Variants in LYPLAL1 observed in about 807,000 individuals in gnomAD.
The protein encoded by LYPLAL1 is lysophospholipase like 1.
LYPLAL1 carries 23 observed loss-of-function variants against 19.7 expected under a neutral mutation model. The observed-to-expected ratio is 1.17, with a 90% CI of 0.84 to 1.65. LYPLAL1 has a LOEUF of 1.65. LYPLAL1 is among the 40% of genes most tolerant of loss of function. The pLI, the probability that LYPLAL1 is intolerant of heterozygous loss-of-function variation, is 0.00. For missense variants in LYPLAL1, 355 were observed against 279.4 expected (o/e 1.27, Z -1.93); for synonymous variants, 119 against 96.3 (o/e 1.24, Z -1.38).
chr1:219,333,265 G>A, the LYPLAL1 span, among the ~76,000 whole-genome samples: 1 of 152,126 alleles, frequency 6.6e-6, no homozygotes, highest in African/African-American at 2.4e-5. Flanking sequence ...CCATATTCCA[G>A]GAACTAGGAC....
At chr1:219,330,661 T>G in the LYPLAL1 span, among the ~76,000 whole-genome samples, 1 of 152,224 alleles carries the variant, frequency 6.6e-6, no homozygotes. Flanking sequence ...TCTAAATACA[T>G]TCAACAAAAT....
At chr1:219,314,251 T>C in the LYPLAL1 span, among the ~76,000 whole-genome samples, 3 of 152,342 alleles carry the variant, frequency 2.0e-5, no homozygotes, top group East Asian at 5.8e-4. Context: ...GCTGATTCCA[T>C]GTCTTTACTA....
chr1:219,239,537 A>G, the LYPLAL1 span, among the ~76,000 whole-genome samples: 1 of 152,246 alleles, frequency 6.6e-6, no homozygotes, highest in Non-Finnish European at 1.5e-5. Flanking sequence ...TTTTGTTCAT[A>G]GAAGTATGTT....
intron 2 of LYPLAL1, among the ~76,000 whole-genome samples, chr1:219,189,325 T>G (rs1349156330): frequency 6.6e-6 from 1 of 151,582 alleles, no homozygotes; most frequent in African/African-American, 2.4e-5. Context: ...AATTTTAAAG[T>G]GAGTGTTGTA....
chr1:219,181,032 A>T (rs1572155189), intron 2 of LYPLAL1, among the ~76,000 whole-genome samples: 1 of 152,212 alleles, frequency 6.6e-6, no homozygotes, highest in East Asian at 1.9e-4. Context: ...TATGAGCTAC[A>T]TATAAATTTA....
the LYPLAL1 span, among the ~76,000 whole-genome samples, chr1:219,355,685 C>T: frequency 2.0e-5 from 3 of 151,778 alleles, no homozygotes; most frequent in East Asian, 5.8e-4. Context: ...TACAAGAGTA[C>T]ACGGAAAATT....
chr1:219,417,282 T>C, the LYPLAL1 span, among the ~76,000 whole-genome samples: 3 of 152,176 alleles, frequency 2.0e-5, no homozygotes, highest in Non-Finnish European at 4.4e-5. Flanking sequence ...ATAACCACCT[T>C]GACTACTAAT....
intron 1 of LYPLAL1, 88 bp from the exon 2 acceptor site, chr1:219,179,059 C>G (rs954214768): frequency 9.9e-6 from 8 of 808,362 alleles, no homozygotes; most frequent in African/African-American, 1.8e-5. Context: ...TTATTCCATC[C>G]TCTGTGTGAC....
At chr1:219,230,149 G>A in the LYPLAL1 span, among the ~76,000 whole-genome samples, 1 of 152,196 alleles carries the variant, frequency 6.6e-6, no homozygotes, top group African/African-American at 2.4e-5. Context: ...GTCTCACTCT[G>A]TCACCCAGGC....
At chr1:219,434,177 A>C in the LYPLAL1 span, among the ~76,000 whole-genome samples, 2 of 152,248 alleles carry the variant, frequency 1.3e-5, no homozygotes, top group African/African-American at 4.8e-5. Context: ...ATTAAAATAG[A>C]GTATTGCTGT....
At chr1:219,375,166 A>G in the LYPLAL1 span, among the ~76,000 whole-genome samples, 1 of 152,066 alleles carries the variant, frequency 6.6e-6, no homozygotes, top group Non-Finnish European at 1.5e-5. Context: ...AAAAAGCATT[A>G]CTTTGGTACG....
At chr1:219,258,042 T>C in the LYPLAL1 span, among the ~76,000 whole-genome samples, 1 of 152,050 alleles carries the variant, frequency 6.6e-6, no homozygotes, top group African/African-American at 2.4e-5. Context: ...TTATAGGCTC[T>C]CTGCAAGGAG....
intron 2 of LYPLAL1, among the ~76,000 whole-genome samples, chr1:219,190,040 G>A (rs1396355656): frequency 6.6e-6 from 1 of 151,414 alleles, no homozygotes; most frequent in Non-Finnish European, 1.5e-5. Flanking sequence ...TAACTTAATA[G>A]ATACTAAATA....
At chr1:219,365,134 T>C in the LYPLAL1 span, among the ~76,000 whole-genome samples, 1 of 152,098 alleles carries the variant, frequency 6.6e-6, no homozygotes, top group African/African-American at 2.4e-5. Context: ...AGTGCTAAGA[T>C]AGTCCAGAAG....
the LYPLAL1 span, among the ~76,000 whole-genome samples, chr1:219,318,432 C>T: frequency 6.6e-6 from 1 of 150,886 alleles, no homozygotes; most frequent in Non-Finnish European, 1.5e-5. Context: ...CACATTGCAA[C>T]TTGAATTGCC....
the LYPLAL1 span, among the ~76,000 whole-genome samples, chr1:219,423,498 A>G: frequency 1.3e-5 from 2 of 152,212 alleles, no homozygotes; most frequent in African/African-American, 4.8e-5. Flanking sequence ...TGAGTGAGAT[A>G]TATAAAACCC....
the LYPLAL1 span, among the ~76,000 whole-genome samples, chr1:219,308,351 A>G: frequency 6.6e-6 from 1 of 152,202 alleles, no homozygotes; most frequent in Non-Finnish European, 1.5e-5. Context: ...AGAAAATCCC[A>G]TTTTATGAGA....
the LYPLAL1 span, among the ~76,000 whole-genome samples, chr1:219,330,636 C>A: frequency 6.6e-6 from 1 of 152,142 alleles, no homozygotes; most frequent in East Asian, 1.9e-4. Context: ...AAGAAGGCAC[C>A]TATAAACACG....
chr1:219,179,628 T>G (rs1187044744), intron 2 of LYPLAL1, among the ~76,000 whole-genome samples: 1 of 152,250 alleles, frequency 6.6e-6, no homozygotes, highest in Non-Finnish European at 1.5e-5. Flanking sequence ...AAGCCAGAAT[T>G]CATAATCTCT....
Sources: gnomAD v4.1 joint callset for allele counts (sites outside exome capture counted in the v4.1 genomes callset) on GRCh38, gnomAD v4.1.1 for gene constraint, MANE v1.5 for transcripts, NCBI Gene and HGNC (gene_info 2026-07-23, HGNC 2026-07-21) for gene names.